KIF5C: variants seen among roughly 807,000 people sequenced by gnomAD.
KIF5C encodes kinesin heavy chain isoform 5C.
A neutral mutation model predicts 125.2 loss-of-function variants in KIF5C; 18 were observed. The observed-to-expected ratio is 0.14, with a 90% CI of 0.10 to 0.21. KIF5C has a LOEUF of 0.21. Among genes scored for constraint, KIF5C ranks in the 10% least tolerant of loss-of-function variants. KIF5C has a pLI of 1.00. For synonymous variants in KIF5C, 405 were observed against 434.0 expected, an observed-to-expected ratio of 0.93 and a Z score of 0.83; for missense variants, 780 against 1,183.8, an observed-to-expected ratio of 0.66 and a Z score of 5.01.
intron 19 of KIF5C, among the ~76,000 whole-genome samples, chr2:148,999,422 C>G (rs1191245163): frequency 6.6e-6 from 1 of 152,202 alleles, no homozygotes; most frequent in Non-Finnish European, 1.5e-5. Flanking sequence ...AGTCCCTTTT[C>G]AATGTGTGTG....
chr2:149,018,654 CAATAAT>C lies in KIF5C; in HGVS notation c.*8-4412_*8-4407del, dbSNP rs542109189. Among the ~76,000 whole-genome samples, 773 of 151,860 alleles carry C rather than the reference CAATAAT, an allele frequency of 5.1e-3. 5 individuals are homozygous for C. Among genetic ancestry groups the C allele is most frequent in the African/African-American group, 0.015 (630 of 41,424 alleles). ...AACCAGCCTTAGCGAGACTCTGTCT[CAATAAT>C]AATAATAATAAAATAAAATAAATTA... On this transcript the variant is annotated intron_variant, in intron 25 of 25. Transcript: ENST00000435030.
chr2:148,983,496 G>A (rs1015382892), intron 14 of KIF5C, 124 bp from the exon 15 acceptor site: 9 of 1,314,044 alleles, frequency 6.8e-6, no homozygotes, highest in African/African-American at 1.5e-5. Context: ...TGCCTTAAAA[G>A]GATTCTTAGG....
intron 1 of KIF5C, chr2:148,888,396 G>T (rs748365366): frequency 6.6e-6 from 1 of 152,246 alleles, no homozygotes; most frequent in Non-Finnish European, 1.5e-5. Flanking sequence ...TGCCCCGCAG[G>T]ACAAAAGCGC....
chr2:148,900,985 A>G (rs1164569151), intron 1 of KIF5C, among the ~76,000 whole-genome samples: 1 of 151,840 alleles, frequency 6.6e-6, no homozygotes, highest in Non-Finnish European at 1.5e-5. Flanking sequence ...AATACAAAAA[A>G]CCCCAACAAA....
chr2:148,876,377 T>C lies in KIF5C; in HGVS notation c.126+634T>C, dbSNP rs144543423. On this transcript the variant is annotated intron_variant, in intron 1 of 25. Transcript: ENST00000435030. The surrounding 1 kb of genome is among the most constrained non-coding windows in gnomAD (Gnocchi z 4.7). ...GAGGCCTGGTGTGTCTCCCGCTTCC[T>C]CTCACGCCTGGCTGCCCTGGATGTG... 1.7e-4 allele frequency among the ~76,000 whole-genome samples: 26 copies of C among 152,252 alleles called. No homozygotes were observed. The highest frequency in any genetic ancestry group is 3.4e-4 in the Non-Finnish European group (23 of 68,010).
At chr2:148,908,711 T>C (rs1253204745) in intron 1 of KIF5C, among the ~76,000 whole-genome samples, 1 of 152,230 alleles carries the variant, frequency 6.6e-6, no homozygotes, top group African/African-American at 2.4e-5. Context: ...TCTGTTACTC[T>C]CATTCCCCAC....
In KIF5C at chr2:148,947,079, G is replaced by C. The variant is rs1218712678; in HGVS notation, c.714+56G>C. The C allele has an allele frequency of 7.1e-6, 11 of 1,538,536 alleles. No individual in the cohort carries two copies. The East Asian group carries it at 2.3e-4, about 32-fold the overall frequency. ...ATTTTCCCCTTTTATTTGCTTCATT[G>C]TGCAATGGTATAATTTTTATGCTTT... On this transcript the variant is annotated intron_variant, in intron 8 of 25. Transcript: ENST00000435030.
At chr2:148,966,248 G>T (rs896353326) in intron 11 of KIF5C, among the ~76,000 whole-genome samples, 3 of 152,044 alleles carry the variant, frequency 2.0e-5, no homozygotes, top group South Asian at 2.1e-4. Context: ...CTGGGAAAAA[G>T]ATTTCTTTCT....
chr2:148,898,709 A>G (rs1472964273), intron 1 of KIF5C, among the ~76,000 whole-genome samples: 1 of 152,214 alleles, frequency 6.6e-6, no homozygotes, highest in African/African-American at 2.4e-5. Flanking sequence ...CCAGGAAGAA[A>G]GCAGCTCTGC....
chr2:148,917,138 A>T (rs1057227854), intron 1 of KIF5C, among the ~76,000 whole-genome samples: 1 of 151,580 alleles, frequency 6.6e-6, no homozygotes, highest in African/African-American at 2.4e-5. Flanking sequence ...GCTTTTTTTA[A>T]TTTTTTATTT....
intron 2 of KIF5C, among the ~76,000 whole-genome samples, chr2:148,928,319 T>C (rs564834685): frequency 4.6e-5 from 7 of 152,278 alleles, no homozygotes; most frequent in Admixed American, 3.9e-4. Context: ...TCCTTCTCCC[T>C]GCCTCTACAG....
At chr2:148,976,605 T>C (rs557376593) in intron 12 of KIF5C, among the ~76,000 whole-genome samples, 1 of 150,190 alleles carries the variant, frequency 6.7e-6, no homozygotes, top group African/African-American at 2.5e-5. Context: ...GATGGGGTCT[T>C]GTTCTGTTGC....
chr2:148,900,774 G>A (rs1260553560), intron 1 of KIF5C, among the ~76,000 whole-genome samples: 1 of 152,180 alleles, frequency 6.6e-6, no homozygotes, highest in African/African-American at 2.4e-5. Flanking sequence ...ACAGACCAGA[G>A]GGAGAAAGAG....
At chr2:148,981,623 A>C in intron 14 of KIF5C, 62 bp downstream of exon 14, 2 of 1,498,326 alleles carry the variant, frequency 1.3e-6, no homozygotes, top group Non-Finnish European at 1.8e-6. Context: ...ACTCATATTG[A>C]TATTCATTGA....
chr2:148,963,573 A>G (rs1378792097), intron 11 of KIF5C, among the ~76,000 whole-genome samples: 1 of 152,238 alleles, frequency 6.6e-6, no homozygotes, highest in Non-Finnish European at 1.5e-5. Context: ...GAATAATTGA[A>G]TAATTCAGCA....
chr2:148,922,181 G>A lies in KIF5C; in HGVS notation c.171G>A (p.Thr57=), dbSNP rs1363476219. ...YVFDRVLPPN[T]TQEQVYNACA... ...TCGACAGAGTGCTACCTCCCAACAC[G>A]ACCCAAGAGCAGGTTTACAATGCAT... The change falls in exon 2 of 26, where the codon ACG becomes ACA. Residue 57 remains threonine, a synonymous_variant. Coordinates refer to ENST00000435030, the MANE Select transcript of KIF5C (RefSeq NM_004522.3). 6.2e-6 allele frequency: 10 copies of A among 1,613,228 alleles called. No individual in the cohort carries two copies. The East Asian group carries it at 6.7e-5, about 11-fold the overall frequency.
rs554562966 is a variant in KIF5C, at chr2:148,931,140, A to G, written c.291+1786A>G. On this transcript the variant is annotated intron_variant, in intron 3 of 25. Transcript: ENST00000435030. ...GTTTTGTTTTATTACCAAACTATAT[A>G]TAATGCCAAACAACAACAACAACAA... Among the ~76,000 whole-genome samples the G allele has an allele frequency of 3.9e-5, 6 of 152,042 alleles. No homozygotes were observed. In the South Asian group the frequency reaches 1.2e-3, roughly 31 times the overall value.
intron 3 of KIF5C, chr2:148,935,058 TG>T: frequency 2.4e-6 from 1 of 420,800 alleles, no homozygotes. Context: ...GTGGTAGATG[TG>T]GGTATGCTTC....
intron 11 of KIF5C, among the ~76,000 whole-genome samples, chr2:148,965,651 C>A (rs1216369821): frequency 6.6e-6 from 1 of 152,066 alleles, no homozygotes; most frequent in Non-Finnish European, 1.5e-5. Context: ...GACAACAGAC[C>A]AGGCCAGGCT....
Sources: allele counts gnomAD v4.1 joint callset (sites outside exome capture counted in the v4.1 genomes callset), GRCh38; gene constraint gnomAD v4.1.1; non-coding constraint Gnocchi (gnomAD v3.1); transcripts MANE v1.5; gene names NCBI Gene and HGNC (gene_info 2026-07-23, HGNC 2026-07-21).